LOXHD1: variants seen among roughly 807,000 people sequenced by gnomAD.
The protein encoded by LOXHD1 is lipoxygenase homology PLAT domains 1.
Under a neutral mutation model 248.2 loss-of-function variants are expected in LOXHD1, and 205 were observed. The ratio of observed to expected loss-of-function variants is 0.83; its 90% CI spans 0.74 to 0.93. The LOEUF is 0.93. LOXHD1 is among the 40% of genes least tolerant of loss of function. The pLI is 0.00. For synonymous variants in LOXHD1, 1,113 were observed against 1,162.8 expected, an observed-to-expected ratio of 0.96 and a Z score of 0.87; for missense variants, 2,930 against 2,971.6, an observed-to-expected ratio of 0.99 and a Z score of 0.33.
intron 34 of LOXHD1, among the ~76,000 whole-genome samples, chr18:46,515,361 A>G (rs1164191279): frequency 6.6e-6 from 1 of 152,196 alleles, no homozygotes; most frequent in Non-Finnish European, 1.5e-5. Flanking sequence ...ACATCAGGCC[A>G]CATGCAAATG....
intron 8 of LOXHD1, among the ~76,000 whole-genome samples, chr18:46,598,468 A>G (rs1265983648): frequency 6.6e-6 from 1 of 151,802 alleles, no homozygotes; most frequent in African/African-American, 2.4e-5. Flanking sequence ...CCATGTGGTC[A>G]AATAAACAAA....
rs10163657 is a variant in LOXHD1, at chr18:46,601,264, C to T, written c.1087G>A (p.Val363Ile). 0.075 allele frequency: 116,358 copies of T among 1,551,622 alleles called. 4,723 individuals carry two copies. The highest frequency in any genetic ancestry group is 0.085 in the Non-Finnish European group (97,856 of 1,146,952). Residue 363 changes from valine to isoleucine, a missense_variant, in exon 8 of 41, where the codon GTC becomes ATC. Val to Ile is a conservative substitution (Grantham distance 29). Coordinates refer to ENST00000642948, the MANE Select transcript of LOXHD1 (RefSeq NM_001384474.1). The stretch of plus-strand genomic sequence containing the variant: ...TTGACACCCACATTGCCATGCCCGA[C>T]GGAGACCCGACTCAGGGGGCTAAGG... ...VLLSPLSRVS[V>I]GHGNVGVNRG...
chr18:46,617,905 G>A (rs2038611904), intron 5 of LOXHD1, among the ~76,000 whole-genome samples: 2 of 152,230 alleles, frequency 1.3e-5, no homozygotes, highest in Non-Finnish European at 2.9e-5. Context: ...TCCTAGAGAT[G>A]TGAAGCTTGG....
intron 17 of LOXHD1, among the ~76,000 whole-genome samples, chr18:46,563,541 G>T (rs976676896): frequency 4.6e-5 from 7 of 152,154 alleles, no homozygotes; most frequent in African/African-American, 1.7e-4. Context: ...CCTGCTGTGT[G>T]CCTGCCTGCT....
intron 12 of LOXHD1, among the ~76,000 whole-genome samples, chr18:46,591,365 C>A (rs1034030554): frequency 1.3e-5 from 2 of 152,176 alleles, no homozygotes; most frequent in Non-Finnish European, 2.9e-5. Flanking sequence ...TAATGTCTGC[C>A]ATGTGAAAAG....
Position 46,560,368 on chromosome 18 carries a change from G to A in LOXHD1, c.2776C>T (p.Leu926=). The change falls in exon 19 of 41, where the codon CTG becomes TTG. Residue 926 remains leucine (L), a synonymous_variant. Coordinates refer to ENST00000642948, the MANE Select transcript of LOXHD1 (RefSeq NM_001384474.1). ...KKKEKDKLRQ[L]LKKERLKAKL... ...GCCTTCAGCCGCTCCTTCTTGAGCA[G>A]CTGCCGCAGCTTGTCCTTCTCCTTC... 1 of 1,552,512 alleles carries A rather than the reference G, an allele frequency of 6.4e-7. No individual in the cohort carries two copies.
At chr18:46,600,737 G>T (rs2038323906) in intron 8 of LOXHD1, among the ~76,000 whole-genome samples, 1 of 152,144 alleles carries the variant, frequency 6.6e-6, no homozygotes, top group African/African-American at 2.4e-5. Context: ...TATGACTGTG[G>T]AAGGACACAG....
intron 4 of LOXHD1, 76 bp downstream of exon 4, chr18:46,639,540 G>C (rs936488357): frequency 3.4e-6 from 5 of 1,485,530 alleles, no homozygotes; most frequent in African/African-American, 1.4e-5. Flanking sequence ...CCCAGAGCAA[G>C]ACAGGCACGA....
At chr18:46,532,824 A>G (rs2036132769) in intron 28 of LOXHD1, among the ~76,000 whole-genome samples, 1 of 152,252 alleles carries the variant, frequency 6.6e-6, no homozygotes, top group Non-Finnish European at 1.5e-5. Context: ...TAGCAAATAA[A>G]TGAATAGTAG....
At chr18:46,537,201 G>C (rs1225977222) in intron 26 of LOXHD1, among the ~76,000 whole-genome samples, 4 of 152,108 alleles carry the variant, frequency 2.6e-5, no homozygotes, top group Non-Finnish European at 5.9e-5. Flanking sequence ...CCATTTGCTT[G>C]TCTACTGCAG....
intron 7 of LOXHD1, 75 bp from the exon 8 acceptor site, chr18:46,601,542 C>G (rs547311743): frequency 1.3e-6 from 2 of 1,544,270 alleles, no homozygotes; most frequent in East Asian, 2.4e-5. Context: ...CCTCCCCTTC[C>G]TGGTTACAAC....
At chr18:46,599,560 C>CAA (rs1439614915) in intron 8 of LOXHD1, among the ~76,000 whole-genome samples, 2 of 151,934 alleles carry the variant, frequency 1.3e-5, no homozygotes, top group Non-Finnish European at 2.9e-5. Flanking sequence ...TCATTAATAC[C>CAA]AAATGCATTA....
intron 15 of LOXHD1, among the ~76,000 whole-genome samples, chr18:46,570,628 AC>A (rs1466497433): frequency 2.0e-5 from 3 of 152,198 alleles, no homozygotes; most frequent in African/African-American, 7.2e-5. Context: ...TCTTTCTTGT[AC>A]TATTTTCCAT....
At chr18:46,637,368 A>G in intron 4 of LOXHD1, among the ~76,000 whole-genome samples, 1 of 152,290 alleles carries the variant, frequency 6.6e-6, no homozygotes, top group Non-Finnish European at 1.5e-5. Flanking sequence ...ACTGAGTTAC[A>G]TGAATTGTTT....
At position 46,569,052 on chromosome 18, in the gene LOXHD1, A is replaced by G. The variant is rs201653084; in HGVS notation, c.2244+390T>C. Among the ~76,000 whole-genome samples the G allele has an allele frequency of 4.6e-5, 7 of 151,894 alleles. No individual in the cohort carries two copies. The East Asian group carries it at 1.4e-3, about 30-fold the overall frequency. On this transcript the variant is annotated intron_variant, in intron 16 of 40. Coordinates refer to ENST00000642948, the MANE Select transcript of LOXHD1 (RefSeq NM_001384474.1). Reference sequence around the variant, plus strand: ...AAGTTTGAAATTGGGAAGTATTTTTAGCCCCTTTTCTTAGTCCTCCCTTCT... The same window carrying G: ...AAGTTTGAAATTGGGAAGTATTTTTGGCCCCTTTTCTTAGTCCTCCCTTCT...
chr18:46,608,886 A>T (rs2038462628), intron 6 of LOXHD1, among the ~76,000 whole-genome samples: 1 of 152,196 alleles, frequency 6.6e-6, no homozygotes, highest in African/African-American at 2.4e-5. Flanking sequence ...CATCACTAGG[A>T]TGTTCACTCA....
chr18:46,597,153 A>G (rs889703810), intron 8 of LOXHD1, among the ~76,000 whole-genome samples: 7 of 152,322 alleles, frequency 4.6e-5, no homozygotes, highest in Admixed American at 1.3e-4. Flanking sequence ...AACTATTACT[A>G]TTAGAGATTT....
Position 46,572,153 on chromosome 18 carries a change from G to T in LOXHD1, c.1980C>A (p.Asp660Glu), listed in dbSNP as rs1414666266. 3.2e-6 allele frequency: 5 copies of T among 1,551,682 alleles called. No homozygotes were observed. Among genetic ancestry groups the T allele is most frequent in the Non-Finnish European group, 4.4e-6 (5 of 1,147,020 alleles). The change falls in exon 15 of 41, where the codon GAC (aspartate) becomes GAA (glutamate). Residue 660 changes from aspartate (D) to glutamate (E), a missense_variant. Transcript: ENST00000642948. Reference protein sequence around the residue: ...NVEFPCLRWLDKDKDDGQLVR... With the variant: ...NVEFPCLRWLEKDKDDGQLVR... Reference sequence around the variant, plus strand: ...CCAGCTGCCCATCATCCTTATCCTTGTCCAACCACCTGGTGGGCAAATGGG... The same window carrying T: ...CCAGCTGCCCATCATCCTTATCCTTTTCCAACCACCTGGTGGGCAAATGGG...
At chr18:46,555,166 T>C (rs907690980) in intron 21 of LOXHD1, 1 of 471,070 alleles carries the variant, frequency 2.1e-6, no homozygotes, top group African/African-American at 2.0e-5. Flanking sequence ...GTTCACAGTT[T>C]GTCCCCAGCC....
Sources: gnomAD v4.1 joint callset for allele counts (sites outside exome capture counted in the v4.1 genomes callset) on GRCh38, gnomAD v4.1.1 for gene constraint, MANE v1.5 for transcripts, NCBI Gene and HGNC (gene_info 2026-07-23, HGNC 2026-07-21) for gene names.